The following OLA1 variants were observed in gnomAD, a reference collection of about 807,000 sequenced individuals.
OLA1 encodes Obg like ATPase 1.
Under a neutral mutation model 48.4 loss-of-function variants are expected in OLA1, and 14 were observed. The observed-to-expected ratio is 0.29, with a 90% CI of 0.19 to 0.45. The LOEUF is 0.45. OLA1 is among the 20% of genes least tolerant of loss of function. OLA1 has a pLI of 1.00. For synonymous variants in OLA1, 127 were observed against 150.4 expected (o/e 0.84, Z 1.14); for missense variants, 325 against 467.1 (o/e 0.70, Z 2.80).
At chr2:174,140,373 T>C (rs544173745) in intron 5 of OLA1, among the ~76,000 whole-genome samples, 3 of 151,998 alleles carry the variant, frequency 2.0e-5, no homozygotes, top group South Asian at 2.1e-4. Context: ...TTCTTTCTTT[T>C]TTTTTTTTAA....
intron 4 of OLA1, among the ~76,000 whole-genome samples, chr2:174,179,222 G>A (rs540361015): frequency 1.9e-4 from 29 of 151,332 alleles, no homozygotes; most frequent in Non-Finnish European, 1.8e-4. Context: ...ACGTGCTAAC[G>A]AAATTCCTAA....
At chr2:174,202,003 T>C (rs67248333) in intron 4 of OLA1, among the ~76,000 whole-genome samples, 16,845 of 152,182 alleles carry the variant, frequency 0.11, 2,182 homozygotes, top group East Asian at 0.7. Context: ...GTGGATTTTT[T>C]TCAATAAACA....
chr2:174,213,972 G>GA (rs1688305422), intron 4 of OLA1, among the ~76,000 whole-genome samples: 1 of 150,384 alleles, frequency 6.6e-6, no homozygotes, highest in Admixed American at 6.6e-5. Flanking sequence ...TATAAAAAAT[G>GA]AAAAAAAGTG....
chr2:174,191,942 G>C (rs1306303695), intron 4 of OLA1, among the ~76,000 whole-genome samples: 1 of 152,152 alleles, frequency 6.6e-6, no homozygotes, highest in African/African-American at 2.4e-5. Flanking sequence ...GCAGCAGTTT[G>C]CCAATCCCTG....
At chr2:174,091,439 T>C (rs1304049996) in intron 7 of OLA1, among the ~76,000 whole-genome samples, 1 of 152,248 alleles carries the variant, frequency 6.6e-6, no homozygotes, top group Non-Finnish European at 1.5e-5. Flanking sequence ...TCTGTTGTTT[T>C]TAATGACTCT....
At chr2:174,192,373 C>A (rs765864397) in intron 4 of OLA1, among the ~76,000 whole-genome samples, 1 of 152,078 alleles carries the variant, frequency 6.6e-6, no homozygotes, top group South Asian at 2.1e-4. Context: ...TCATGTCAGC[C>A]CTCAAAAAGT....
At chr2:174,242,384 C>T (rs1033816029) in intron 2 of OLA1, among the ~76,000 whole-genome samples, 5 of 152,280 alleles carry the variant, frequency 3.3e-5, no homozygotes, top group South Asian at 2.1e-4. Context: ...CTGACCTGAC[C>T]GGAGGTGGAG....
At chr2:174,076,834 C>T (rs1684749473) in intron 10 of OLA1, among the ~76,000 whole-genome samples, 1 of 151,086 alleles carries the variant, frequency 6.6e-6, no homozygotes, top group Admixed American at 6.6e-5. Context: ...TATAAAAATA[C>T]ATATTTTCAC....
At chr2:174,132,847 G>A (rs1037075782) in intron 5 of OLA1, among the ~76,000 whole-genome samples, 3 of 152,068 alleles carry the variant, frequency 2.0e-5, no homozygotes, top group Non-Finnish European at 4.4e-5. Context: ...ATGTCAATTA[G>A]GTCAAATTCC....
chr2:174,198,023 G>A (rs1321450526), intron 4 of OLA1, among the ~76,000 whole-genome samples: 1 of 152,204 alleles, frequency 6.6e-6, no homozygotes, highest in Non-Finnish European at 1.5e-5. Context: ...GAGTGCAGTG[G>A]CATGATCTCG....
Position 174,126,230 on chromosome 2 carries a change from T to C in OLA1, c.550-2555A>G, listed in dbSNP as rs143406866. On this transcript the variant is annotated intron_variant, in intron 5 of 10. Transcript: ENST00000284719. ...TGGGCTTGTTTGGATATAATACTTA[T>C]TGGTTGATTGAATTTATTTCCTTAT... is the stretch of plus-strand genomic sequence containing the variant. Among the ~76,000 whole-genome samples the C allele has an allele frequency of 3.4e-3, 522 of 152,202 alleles. 3 individuals are homozygous for C. Among genetic ancestry groups the C allele is most frequent in the Non-Finnish European group, 6.4e-3 (434 of 67,972 alleles).
intron 4 of OLA1, among the ~76,000 whole-genome samples, chr2:174,189,599 C>A (rs750414076): frequency 1.3e-5 from 2 of 152,088 alleles, no homozygotes; most frequent in Non-Finnish European, 2.9e-5. Context: ...TCTCTCCTAG[C>A]AAAGTGCAAA....
At chr2:174,081,069 T>C in intron 9 of OLA1, 83 bp downstream of exon 9, 1 of 1,180,040 alleles carries the variant, frequency 8.5e-7, no homozygotes, top group Non-Finnish European at 1.3e-6. Flanking sequence ...ACCGCCACCA[T>C]GACAAACTTC....
At chr2:174,228,628 T>C (rs1688663203) in intron 3 of OLA1, among the ~76,000 whole-genome samples, 1 of 152,180 alleles carries the variant, frequency 6.6e-6, no homozygotes, top group African/African-American at 2.4e-5. Flanking sequence ...TACATGCTTA[T>C]TGTAAAAAAA....
At chr2:174,154,920 C>A (rs907809562) in intron 4 of OLA1, among the ~76,000 whole-genome samples, 2 of 152,160 alleles carry the variant, frequency 1.3e-5, no homozygotes, top group Admixed American at 1.3e-4. Context: ...CATTTCTCAT[C>A]TTTCATGCTG....
rs1478297600 is a variant in OLA1 at position 174,168,783 on chromosome 2, ATCTATCTAT to A, written c.374-26792_374-26784del. On this transcript the variant is annotated intron_variant, in intron 4 of 10. Coordinates refer to ENST00000284719, the MANE Select transcript of OLA1 (RefSeq NM_013341.5). ...TATCTATCTATCTATCTATCTATCT[ATCTATCTAT>A]CTATCTATCTAGATATATGGACATA... 9.9e-5 allele frequency among the ~76,000 whole-genome samples: 15 copies of A among 151,442 alleles called. No homozygotes were observed. In the East Asian group the frequency reaches 2.9e-3, roughly 29 times the overall value.
intron 10 of OLA1, among the ~76,000 whole-genome samples, chr2:174,076,016 C>T (rs1403686399): frequency 2.0e-5 from 3 of 152,188 alleles, no homozygotes; most frequent in African/African-American, 7.2e-5. Context: ...GTGTAAGATT[C>T]TGAACTACTT....
At position 174,229,532 on chromosome 2, in the gene OLA1, A is replaced by G. The variant is rs1228097633; in HGVS notation, c.102-81T>C. On this transcript the variant is annotated intron_variant, in intron 2 of 10. Transcript: ENST00000284719. Reference sequence around the variant, plus strand: ...TATCTCACTCTAATTTCAATGCTCAAATAAGATCCATGAGGAATATAAAAC... The same window carrying G: ...TATCTCACTCTAATTTCAATGCTCAGATAAGATCCATGAGGAATATAAAAC... 4.0e-6 allele frequency: 4 copies of G among 993,460 alleles called. No individual in the cohort carries two copies. In the African/African-American group the frequency reaches 4.9e-5, roughly 12 times the overall value. The allele number at this position is 993,460 out of a possible 1,614,324, so 61.5% of individuals were successfully genotyped here. A position where few individuals can be genotyped will look rare whatever the true frequency, so the allele number is the denominator to read the frequency against.
chr2:174,199,562 G>A (rs890845663), intron 4 of OLA1, among the ~76,000 whole-genome samples: 2 of 152,140 alleles, frequency 1.3e-5, no homozygotes, highest in African/African-American at 4.8e-5. Flanking sequence ...TTTTTCTGAT[G>A]AGATCTGTGG....
Sources: gnomAD v4.1 joint callset for allele counts (sites outside exome capture counted in the v4.1 genomes callset) on GRCh38, gnomAD v4.1.1 for gene constraint, MANE v1.5 for transcripts, NCBI Gene and HGNC (gene_info 2026-07-23, HGNC 2026-07-21) for gene names.